GREB1L: variants seen among roughly 807,000 people sequenced by gnomAD.
GREB1L encodes the protein GREB1 like retinoic acid receptor coactivator.
GREB1L carries 17 observed loss-of-function variants against 200.8 expected under a neutral mutation model. The ratio of observed to expected loss-of-function variants is 0.08; its 90% confidence interval spans 0.06 to 0.13. The LOEUF (loss-of-function observed/expected upper bound fraction) is 0.13, where lower values mean the gene tolerates loss of function less well. Among genes scored for constraint, GREB1L ranks in the 10% least tolerant of loss-of-function variants. GREB1L has a pLI of 1.00. For missense variants in GREB1L, 1,657 were observed against 2,367.7 expected (o/e 0.70, Z 6.23); for synonymous variants, 789 against 893.0 (o/e 0.88, Z 2.08).
At chr18:21,381,201 C>T (rs1352828781) in intron 2 of GREB1L, among the ~76,000 whole-genome samples, 1 of 152,062 alleles carries the variant, frequency 6.6e-6, no homozygotes, top group African/African-American at 2.4e-5. Flanking sequence ...GAGATAGTGC[C>T]ACTGAACTCC....
At chr18:21,327,515 C>T (rs1363604135) in intron 1 of GREB1L, among the ~76,000 whole-genome samples, 2 of 152,112 alleles carry the variant, frequency 1.3e-5, no homozygotes, top group Non-Finnish European at 2.9e-5. Context: ...GACTGTTCCT[C>T]TTCCTGTTCC....
At chr18:21,350,362 C>T (rs2039415444) in intron 1 of GREB1L, among the ~76,000 whole-genome samples, 2 of 151,476 alleles carry the variant, frequency 1.3e-5, no homozygotes, top group African/African-American at 2.4e-5. Context: ...CTCAGCCTCC[C>T]GAGTAGCTGA....
chr18:21,268,697 A>G (rs1349971412), intron 1 of GREB1L, among the ~76,000 whole-genome samples: 2 of 150,358 alleles, frequency 1.3e-5, no homozygotes, highest in South Asian at 2.1e-4. Context: ...TCCTAGGCTC[A>G]AGTGATTCTC....
intron 1 of GREB1L, among the ~76,000 whole-genome samples, chr18:21,341,759 C>CTAG (rs1362203064): frequency 1.3e-5 from 2 of 152,106 alleles, no homozygotes; most frequent in Non-Finnish European, 2.9e-5. Context: ...TAGTGTTTTT[C>CTAG]TGCTTGAACA....
intron 1 of GREB1L, among the ~76,000 whole-genome samples, chr18:21,290,894 T>G (rs1409394521): frequency 2.6e-5 from 4 of 151,622 alleles, no homozygotes; most frequent in Non-Finnish European, 5.9e-5. Context: ...AGTCAAGTCA[T>G]GTAACACTTA....
intron 1 of GREB1L, among the ~76,000 whole-genome samples, chr18:21,271,856 T>C (rs149319401): frequency 1.3e-5 from 2 of 152,188 alleles, no homozygotes; most frequent in African/African-American, 2.4e-5. Flanking sequence ...CTGGGCTGCA[T>C]GACCATCCCT....
chr18:21,287,307 T>G (rs1009137073), intron 1 of GREB1L, among the ~76,000 whole-genome samples: 2 of 152,210 alleles, frequency 1.3e-5, no homozygotes, highest in Admixed American at 1.3e-4. Context: ...ATTGGCACTC[T>G]GTAGATGTCA....
chr18:21,473,520 G>A (rs1405549197), intron 16 of GREB1L, among the ~76,000 whole-genome samples: 1 of 141,762 alleles, frequency 7.1e-6, no homozygotes, highest in African/African-American at 2.7e-5. Flanking sequence ...AGTGAGCCAA[G>A]ATCACACCAC....
chr18:21,325,874 C>T (rs191591860), intron 1 of GREB1L, among the ~76,000 whole-genome samples: 10 of 147,784 alleles, frequency 6.8e-5, no homozygotes, highest in African/African-American at 2.2e-4. Flanking sequence ...GGTTCACATG[C>T]GCAAAAACAT....
At chr18:21,264,049 T>G (rs1250712339) in intron 1 of GREB1L, among the ~76,000 whole-genome samples, 1 of 152,228 alleles carries the variant, frequency 6.6e-6, no homozygotes, top group African/African-American at 2.4e-5. Context: ...CTGAAACCAC[T>G]GATAACTTCA....
At chr18:21,248,974 T>C (rs906061737) in intron 1 of GREB1L, among the ~76,000 whole-genome samples, 3 of 152,150 alleles carry the variant, frequency 2.0e-5, no homozygotes, top group Non-Finnish European at 4.4e-5. Flanking sequence ...AAAAAAACAA[T>C]TAGACAAATG....
At chr18:21,331,777 C>A (rs1235642204) in intron 1 of GREB1L, among the ~76,000 whole-genome samples, 1 of 152,156 alleles carries the variant, frequency 6.6e-6, no homozygotes, top group Non-Finnish European at 1.5e-5. Context: ...GAGATACGGG[C>A]AGTACAACCA....
At chr18:21,500,806 C>T (rs2036757519) in intron 23 of GREB1L, among the ~76,000 whole-genome samples, 164 bp downstream of exon 23, 2 of 152,220 alleles carry the variant, frequency 1.3e-5, no homozygotes, top group Non-Finnish European at 2.9e-5. Context: ...TGGCGGCTCA[C>T]GCCTGTAATT....
At chr18:21,361,585 G>A (rs1056069176) in intron 1 of GREB1L, among the ~76,000 whole-genome samples, 5 of 152,046 alleles carry the variant, frequency 3.3e-5, no homozygotes, top group African/African-American at 1.2e-4. Flanking sequence ...ACAGCCCTGG[G>A]GTTTAACTGA....
Position 21,311,896 on chromosome 18 carries a change from C to T in GREB1L, c.-119-54131C>T, listed in dbSNP as rs1487230584. The stretch of plus-strand genomic sequence containing the variant: ...ATGTTATATAGGTAAACTCATGTCA[C>T]GGGGGTTTGTTGTACGGATTATTTC... On this transcript the variant is annotated intron_variant, in intron 1 of 32. Transcript: ENST00000424526. Among the ~76,000 whole-genome samples, 6 of 151,734 alleles carry T rather than the reference C, an allele frequency of 4.0e-5. No homozygotes were observed. The South Asian group carries it at 8.4e-4, about 21-fold the overall frequency.
At chr18:21,426,176 C>A (rs2032556693) in intron 7 of GREB1L, among the ~76,000 whole-genome samples, 1 of 151,766 alleles carries the variant, frequency 6.6e-6, no homozygotes, top group African/African-American at 2.4e-5. Flanking sequence ...TCTGCCTCAG[C>A]CTCCTGAGTA....
chr18:21,278,393 T>TA (rs571865908), intron 1 of GREB1L, among the ~76,000 whole-genome samples: 1,882 of 80,886 alleles, frequency 0.023, 55 homozygotes, highest in African/African-American at 0.091. Flanking sequence ...AAAAAAAAAA[T>TA]AAATAAATAA....
At chr18:21,244,667 A>G (rs1203465605) in intron 1 of GREB1L, among the ~76,000 whole-genome samples, 2 of 152,194 alleles carry the variant, frequency 1.3e-5, no homozygotes, top group Non-Finnish European at 2.9e-5. Context: ...TGGATTCATG[A>G]AGAGGAGGTT....
chr18:21,518,314 C>A, intron 31 of GREB1L, 80 bp downstream of exon 31: 1 of 1,321,822 alleles, frequency 7.6e-7, no homozygotes, highest in Non-Finnish European at 1.0e-6. Context: ...AAAAAAGGAG[C>A]CTGTGACATG....
Sources: allele counts gnomAD v4.1 joint callset (sites outside exome capture counted in the v4.1 genomes callset), GRCh38; gene constraint gnomAD v4.1.1; transcripts MANE v1.5; gene names NCBI Gene and HGNC (gene_info 2026-07-23, HGNC 2026-07-21).